Variants in NUP58 observed in about 807,000 individuals in gnomAD.
The protein encoded by NUP58 is nucleoporin 58.
NUP58 carries 17 observed loss-of-function variants against 70.1 expected under a neutral mutation model. The observed-to-expected ratio is 0.24, with a 90% CI of 0.17 to 0.36. The LOEUF is 0.36. Ranked by LOEUF, NUP58 falls within the 10% of genes least tolerant of loss-of-function variation. The probability of loss-of-function intolerance (pLI) is 1.00; values close to 1 mark genes in which losing one functional copy is unlikely to be tolerated. For synonymous variants in NUP58, 275 were observed against 257.6 expected (o/e 1.07, Z -0.65); for missense variants, 644 against 701.5 (o/e 0.92, Z 0.93).
chr13:25,331,577 T>C lies in NUP58; in HGVS notation c.1435+19T>C, dbSNP rs1369169245. On this transcript the variant is annotated intron_variant, in intron 13 of 15. Coordinates refer to ENST00000381736, the MANE Select transcript of NUP58 (RefSeq NM_014089.4). ...GCTACAGGTCTGAACGCATTCAAGT[T>C]ATAGCTTCTTACTGTTCCAATGCAG... The C allele has an allele frequency of 3.7e-6, 6 of 1,610,388 alleles. No homozygotes were observed. Among genetic ancestry groups the C allele is most frequent in the Non-Finnish European group, 5.1e-6 (6 of 1,178,008 alleles).
intron 3 of NUP58, among the ~76,000 whole-genome samples, chr13:25,310,206 ATTTTTT>A (rs796547133): frequency 1.5e-4 from 7 of 47,496 alleles, no homozygotes; most frequent in African/African-American, 4.6e-4. Flanking sequence ...CCCTTGGCTA[ATTTTTT>A]TTTTTTTTTT....
chr13:25,323,893 A>G (rs1219079977), intron 9 of NUP58, among the ~76,000 whole-genome samples: 1 of 152,186 alleles, frequency 6.6e-6, no homozygotes, highest in African/African-American at 2.4e-5. Context: ...AGAGAGTTAA[A>G]TCCATCAGGT....
chr13:25,320,379 T>C (rs1593186882), intron 7 of NUP58, 151 bp from the exon 8 acceptor site: 1 of 530,236 alleles, frequency 1.9e-6, no homozygotes, highest in Middle Eastern at 4.9e-4. Context: ...ATTTATGTTT[T>C]TTATAAAGAG....
intron 12 of NUP58, among the ~76,000 whole-genome samples, chr13:25,329,453 A>C (rs1254850387): frequency 6.6e-6 from 1 of 152,210 alleles, no homozygotes; most frequent in Non-Finnish European, 1.5e-5. Context: ...AGTGAGACCA[A>C]GACCACATAA....
chr13:25,333,807 A>G (rs1437471169), intron 13 of NUP58: 21 of 985,380 alleles, frequency 2.1e-5, no homozygotes, highest in Middle Eastern at 5.2e-4. Flanking sequence ...CAAATTTTAG[A>G]CCATCTAGAT....
chr13:25,338,980 CAG>C lies in NUP58; in HGVS notation c.1630+253_1630+254del, dbSNP rs1228242876. On this transcript the variant is annotated intron_variant, in intron 15 of 15. Coordinates refer to ENST00000381736, the MANE Select transcript of NUP58 (RefSeq NM_014089.4). Reference sequence around the variant, plus strand: ...TAATAATTAATTACATCTTCTAACTCAGAGATTCATTTGAACTCTAGTGACTA... The same window carrying C: ...TAATAATTAATTACATCTTCTAACTCAGATTCATTTGAACTCTAGTGACTA... The C allele has an allele frequency of 6.5e-4, 172 of 265,574 alleles. 2 individuals carry two copies. In the East Asian group the frequency reaches 0.011, roughly 17 times the overall value. 16.5% of individuals were successfully genotyped at this position (265,574 alleles called of 1,614,324 possible).
intron 12 of NUP58, among the ~76,000 whole-genome samples, chr13:25,330,063 A>C (rs2137809273): frequency 6.6e-6 from 1 of 152,294 alleles, no homozygotes; most frequent in Admixed American, 6.5e-5. Flanking sequence ...CCTGGCCTCA[A>C]GGAGTCCTCC....
At chr13:25,315,492 T>C (rs2030885140) in intron 6 of NUP58, 25 bp downstream of exon 6, 3 of 1,500,776 alleles carry the variant, frequency 2.0e-6, no homozygotes, top group African/African-American at 1.4e-5. Context: ...TGTAACTTTA[T>C]GTTTTAACAG....
intron 13 of NUP58, chr13:25,334,841 T>G: frequency 1.0e-6 from 1 of 984,314 alleles, no homozygotes; most frequent in Non-Finnish European, 1.2e-6. Context: ...TTGTAAAATG[T>G]TACTCTACAT....
chr13:25,336,031 C>G, intron 13 of NUP58: 1 of 1,167,110 alleles, frequency 8.6e-7, no homozygotes, highest in Non-Finnish European at 1.1e-6. Context: ...GCTATTCTTG[C>G]CAAACAAACT....
intron 13 of NUP58, chr13:25,333,031 T>C (rs1325248421): frequency 1.0e-6 from 1 of 984,266 alleles, no homozygotes; most frequent in African/African-American, 1.7e-5. Context: ...TAAATAGAAC[T>C]TGAGAAATGT....
At chr13:25,317,046 C>G (rs995465952) in intron 6 of NUP58, among the ~76,000 whole-genome samples, 1 of 151,324 alleles carries the variant, frequency 6.6e-6, no homozygotes, top group Non-Finnish European at 1.5e-5. Flanking sequence ...TTTTTTAATC[C>G]AAATGATTTC....
At chr13:25,311,524 C>T (rs1197363988) in intron 3 of NUP58, among the ~76,000 whole-genome samples, 3 of 151,908 alleles carry the variant, frequency 2.0e-5, no homozygotes, top group African/African-American at 4.8e-5. Flanking sequence ...TACAGGCATG[C>T]GCCACCACGC....
intron 13 of NUP58, chr13:25,333,849 T>C: frequency 1.0e-6 from 1 of 985,400 alleles, no homozygotes; most frequent in Non-Finnish European, 1.2e-6. Context: ...ATTGTTTTTA[T>C]ACATCACTGT....
chr13:25,345,139 T>TA (rs1234805430), downstream of NUP58, among the ~76,000 whole-genome samples: 2 of 152,342 alleles, frequency 1.3e-5, no homozygotes, highest in Non-Finnish European at 2.9e-5. Flanking sequence ...GTCTGAATAT[T>TA]ACTGTGTAAA....
In NUP58 at chr13:25,319,342, AAGACCAG is replaced by A. The variant is rs766733894; in HGVS notation, c.705_710+1del. ...ATTTTCTAGGTGATAAAACGGGAACAAGACCAGAGTAAGTTTACAAATTTACCCTTAA... is the reference window on the plus strand; with the variant it reads ...ATTTTCTAGGTGATAAAACGGGAACAAGTAAGTTTACAAATTTACCCTTAA... On this transcript the variant is annotated frameshift_variant and splice_region_variant, in exon 7 of 16. Transcript: ENST00000381736. LOFTEE classifies it high-confidence loss of function. 6.2e-7 allele frequency: 1 copy of A among 1,612,996 alleles called. No homozygotes were observed. Among genetic ancestry groups the A allele is most frequent in the Non-Finnish European group, 8.5e-7 (1 of 1,179,302 alleles).
intron 13 of NUP58, chr13:25,332,795 G>A (rs1008309742): frequency 1.0e-6 from 1 of 985,390 alleles, no homozygotes; most frequent in Non-Finnish European, 1.2e-6. Context: ...GCATTGTTAA[G>A]TTATGGAGGG....
rs143674879 is a variant in NUP58, at chr13:25,332,607, T to C, written c.1435+1049T>C. The C allele has an allele frequency of 1.6e-5, 16 of 985,448 alleles. No homozygotes were observed. In the East Asian group the frequency reaches 1.7e-3, roughly 105 times the overall value. 61.0% of individuals were successfully genotyped at this position (985,448 alleles called of 1,614,324 possible). A position where few individuals can be genotyped will look rare whatever the true frequency, so the allele number is the denominator to read the frequency against. On this transcript the variant is annotated intron_variant, in intron 13 of 15. Transcript: ENST00000381736. The stretch of plus-strand genomic sequence containing the variant: ...TAGGGAAGCATTCTCTGGTTTTCAC[T>C]ATTGGCAGTTTAAAAAATTGTTCTT...
chr13:25,312,460 C>G (rs1391195476), intron 3 of NUP58, among the ~76,000 whole-genome samples: 1 of 152,174 alleles, frequency 6.6e-6, no homozygotes, highest in Non-Finnish European at 1.5e-5. Context: ...CTCCCCCTCC[C>G]AGGTTCAAGT....
Sources: gnomAD v4.1 joint callset for allele counts (sites outside exome capture counted in the v4.1 genomes callset) on GRCh38, gnomAD v4.1.1 for gene constraint, MANE v1.5 for transcripts, NCBI Gene and HGNC (gene_info 2026-07-23, HGNC 2026-07-21) for gene names.